Variants in ZCCHC7 observed in about 807,000 individuals in gnomAD.
ZCCHC7 encodes the protein zinc finger CCHC-type containing 7.
A neutral mutation model predicts 52.0 loss-of-function variants in ZCCHC7; 35 were observed. That is an observed-to-expected ratio of 0.67 (90% CI 0.51 to 0.89). The LOEUF (loss-of-function observed/expected upper bound fraction) is 0.89. Ranked by LOEUF, ZCCHC7 falls within the 40% of genes least tolerant of loss-of-function variation. ZCCHC7 has a pLI of 0.00. For synonymous variants in ZCCHC7, 217 were observed against 221.5 expected (o/e 0.98, Z 0.18); for missense variants, 574 against 649.1 (o/e 0.88, Z 1.26).
chr9:37,198,499 C>T (rs1823405553), intron 2 of ZCCHC7, among the ~76,000 whole-genome samples: 1 of 152,224 alleles, frequency 6.6e-6, no homozygotes, highest in African/African-American at 2.4e-5. Flanking sequence ...TCTGAGCCTA[C>T]TTTGTGGTCA....
chr9:37,350,840 T>TA (rs887705742), intron 7 of ZCCHC7, among the ~76,000 whole-genome samples: 1 of 152,154 alleles, frequency 6.6e-6, no homozygotes. Context: ...AGAAAATTCT[T>TA]AAAAAAGAAT....
At chr9:37,175,736 G>C (rs1316465954) in intron 2 of ZCCHC7, among the ~76,000 whole-genome samples, 1 of 151,994 alleles carries the variant, frequency 6.6e-6, no homozygotes, top group Non-Finnish European at 1.5e-5. Flanking sequence ...GTGAGACTCT[G>C]TTTCAGTAAA....
intron 2 of ZCCHC7, among the ~76,000 whole-genome samples, chr9:37,192,962 G>C (rs1453617911): frequency 6.6e-6 from 1 of 152,162 alleles, no homozygotes; most frequent in African/African-American, 2.4e-5. Flanking sequence ...TTGTGTTTGG[G>C]CTAAAGAATT....
chr9:37,273,016 G>A (rs1827501556), intron 2 of ZCCHC7, among the ~76,000 whole-genome samples: 1 of 152,342 alleles, frequency 6.6e-6, no homozygotes, highest in African/African-American at 2.4e-5. Context: ...GAGAGTTTCA[G>A]TAGAGCAGGG....
intron 2 of ZCCHC7, among the ~76,000 whole-genome samples, chr9:37,244,285 C>T (rs1825993827): frequency 6.6e-6 from 1 of 151,144 alleles, no homozygotes. Context: ...AAAAGACTGC[C>T]CCAGCCCTTG....
intron 1 of ZCCHC7, among the ~76,000 whole-genome samples, chr9:37,125,008 C>T (rs1362429873): frequency 6.6e-6 from 1 of 152,156 alleles, no homozygotes. Context: ...CACACCACCA[C>T]ACCCAGCTGA....
At chr9:37,254,000 C>T (rs1261769019) in intron 2 of ZCCHC7, among the ~76,000 whole-genome samples, 2 of 151,806 alleles carry the variant, frequency 1.3e-5, no homozygotes, top group Non-Finnish European at 2.9e-5. Context: ...AAACCTTTTT[C>T]GATTCCATTA....
At chr9:37,257,507 A>G (rs1191013897) in intron 2 of ZCCHC7, among the ~76,000 whole-genome samples, 1 of 152,252 alleles carries the variant, frequency 6.6e-6, no homozygotes, top group Admixed American at 6.5e-5. Flanking sequence ...AGATATGGAA[A>G]GACATTTGAA....
chr9:37,225,099 C>T (rs1206404886), intron 2 of ZCCHC7, among the ~76,000 whole-genome samples: 6 of 151,966 alleles, frequency 3.9e-5, no homozygotes, highest in Admixed American at 1.3e-4. Flanking sequence ...CATTCAAGTA[C>T]AGAATTGAAG....
chr9:37,239,416 A>G (rs1167930861), intron 2 of ZCCHC7, among the ~76,000 whole-genome samples: 2 of 152,228 alleles, frequency 1.3e-5, no homozygotes, highest in East Asian at 1.9e-4. Context: ...TTGTTCATCT[A>G]CGTTGTAGAC....
At chr9:37,159,686 G>A (rs984506745) in intron 2 of ZCCHC7, among the ~76,000 whole-genome samples, 1 of 152,104 alleles carries the variant, frequency 6.6e-6, no homozygotes, top group Admixed American at 6.5e-5. Flanking sequence ...TATAACATTT[G>A]CTCTTCCATT....
At chr9:37,123,536 T>C (rs1033819475) in intron 1 of ZCCHC7, among the ~76,000 whole-genome samples, 1 of 152,204 alleles carries the variant, frequency 6.6e-6, no homozygotes, top group Non-Finnish European at 1.5e-5. Flanking sequence ...GGTTCTGTAG[T>C]TTATTTTTGG....
intron 2 of ZCCHC7, among the ~76,000 whole-genome samples, chr9:37,173,624 G>C (rs79082073): frequency 0.051 from 7,735 of 152,094 alleles, 641 homozygotes; most frequent in African/African-American, 0.18. Context: ...TTTTTTGGGG[G>C]AGATCATTAA....
At chr9:37,256,525 G>A (rs865973036) in intron 2 of ZCCHC7, among the ~76,000 whole-genome samples, 9 of 152,222 alleles carry the variant, frequency 5.9e-5, no homozygotes, top group Middle Eastern at 6.8e-3. Context: ...CTACATGCCT[G>A]TAGTTTTTTT....
At chr9:37,149,956 C>T (rs967500281) in intron 2 of ZCCHC7, among the ~76,000 whole-genome samples, 3 of 152,184 alleles carry the variant, frequency 2.0e-5, no homozygotes, top group East Asian at 1.9e-4. Context: ...CACTGCTTGA[C>T]GCAAACATTT....
At chr9:37,167,175 C>T (rs181223102) in intron 2 of ZCCHC7, among the ~76,000 whole-genome samples, 4 of 150,160 alleles carry the variant, frequency 2.7e-5, no homozygotes, top group African/African-American at 9.7e-5. Flanking sequence ...TAGATAGTTC[C>T]TTGTTTTGTC....
intron 2 of ZCCHC7, among the ~76,000 whole-genome samples, chr9:37,247,094 C>G (rs1182611099): frequency 6.6e-6 from 1 of 152,138 alleles, no homozygotes; most frequent in Non-Finnish European, 1.5e-5. Context: ...CCCTCTCCAC[C>G]AAACTCCTGG....
intron 2 of ZCCHC7, among the ~76,000 whole-genome samples, chr9:37,210,790 A>G (rs1212335832): frequency 1.3e-5 from 2 of 152,078 alleles, no homozygotes; most frequent in African/African-American, 2.4e-5. Flanking sequence ...AAGTCACCAG[A>G]TTTCTATCCT....
intron 2 of ZCCHC7, among the ~76,000 whole-genome samples, chr9:37,218,157 C>T (rs1372289725): frequency 2.6e-5 from 4 of 151,990 alleles, no homozygotes; most frequent in South Asian, 2.1e-4. Context: ...TGTTTACCTC[C>T]GTGACAGTTC....
Sources: gnomAD v4.1 joint callset for allele counts (sites outside exome capture counted in the v4.1 genomes callset) on GRCh38, gnomAD v4.1.1 for gene constraint, MANE v1.5 for transcripts, NCBI Gene and HGNC (gene_info 2026-07-23, HGNC 2026-07-21) for gene names.